The following ACBD6 variants were observed in gnomAD, a reference collection of about 807,000 sequenced individuals.
The protein encoded by ACBD6 is acyl-CoA binding domain containing 6, also known as acyl-CoA-binding domain-containing protein 6.
A neutral mutation model predicts 37.2 loss-of-function variants in ACBD6; 28 were observed. That is an observed-to-expected ratio of 0.75 (90% CI 0.56 to 1.03). ACBD6 has a LOEUF of 1.03. Ranked by LOEUF, ACBD6 falls within the 50% of genes least tolerant of loss-of-function variation. The pLI is 0.00. For missense variants in ACBD6, 340 were observed against 337.4 expected (o/e 1.01, Z -0.06); for synonymous variants, 113 against 126.8 (o/e 0.89, Z 0.73).
chr1:180,428,689 G>A lies in ACBD6; in HGVS notation c.467+1491C>T, dbSNP rs79678919. ...CAGTACATCATTTTGAAAAATACTA[G>A]AGTATGGGAGCCCTTAAGGAAAATG... On this transcript the variant is annotated intron_variant, in intron 4 of 7. Coordinates refer to ENST00000367595, the MANE Select transcript of ACBD6 (RefSeq NM_032360.4). 3.3e-3 allele frequency among the ~76,000 whole-genome samples: 497 copies of A among 152,238 alleles called. 1 individual carries two copies. Among genetic ancestry groups the A allele is most frequent in the African/African-American group, 0.011 (466 of 41,544 alleles).
chr1:180,307,783 C>T (rs185263058), intron 7 of ACBD6, among the ~76,000 whole-genome samples: 13 of 152,136 alleles, frequency 8.5e-5, no homozygotes, highest in African/African-American at 3.1e-4. Flanking sequence ...GGTAAAATCC[C>T]GTCTCTACTA....
chr1:180,355,479 A>G (rs1652587384), intron 6 of ACBD6, among the ~76,000 whole-genome samples: 1 of 152,226 alleles, frequency 6.6e-6, no homozygotes, highest in Admixed American at 6.5e-5. Flanking sequence ...CAAGGATGTC[A>G]TAATAGCTCA....
intron 3 of ACBD6, among the ~76,000 whole-genome samples, chr1:180,484,208 T>C (rs1009371281): frequency 1.3e-5 from 2 of 152,174 alleles, no homozygotes; most frequent in Non-Finnish European, 2.9e-5. Context: ...AATTTAGTAG[T>C]AGCCAAAAAA....
intron 3 of ACBD6, among the ~76,000 whole-genome samples, chr1:180,466,903 A>G (rs940462819): frequency 6.6e-6 from 1 of 152,112 alleles, no homozygotes; most frequent in Non-Finnish European, 1.5e-5. Flanking sequence ...GCCCCAGTTT[A>G]AGGTAAACCC....
At chr1:180,487,910 T>C (rs372750484) in intron 3 of ACBD6, among the ~76,000 whole-genome samples, 17 of 152,314 alleles carry the variant, frequency 1.1e-4, no homozygotes, top group East Asian at 3.9e-4. Flanking sequence ...TTCCAACTGA[T>C]AGCAATCAGG....
In ACBD6 at chr1:180,323,721, C is replaced by T. The variant is rs150991354; in HGVS notation, c.664-8999G>A. 9.9e-4 allele frequency among the ~76,000 whole-genome samples: 150 copies of T among 152,120 alleles called. 2 individuals carry two copies. Among genetic ancestry groups the T allele is most frequent in the African/African-American group, 3.3e-3 (139 of 41,530 alleles). Reference sequence around the variant, plus strand: ...TCTGATATAACTATAGCTACTCCTGCTCTTTTTTTGTTTCCACTGGGATGG... The same window carrying T: ...TCTGATATAACTATAGCTACTCCTGTTCTTTTTTTGTTTCCACTGGGATGG... On this transcript the variant is annotated intron_variant, in intron 6 of 7. Transcript: ENST00000367595.
intron 3 of ACBD6, among the ~76,000 whole-genome samples, chr1:180,465,999 T>C (rs1393391370): frequency 6.6e-5 from 10 of 151,812 alleles, no homozygotes; most frequent in Admixed American, 6.6e-4. Context: ...CACTGGAGTC[T>C]ACTTGAGGGG....
intron 7 of ACBD6, among the ~76,000 whole-genome samples, chr1:180,305,595 G>A (rs1650321693): frequency 6.6e-6 from 1 of 152,114 alleles, no homozygotes; most frequent in African/African-American, 2.4e-5. Context: ...TAAAAAGTCA[G>A]GAAACAACAG....
chr1:180,421,219 A>G (rs570743503), intron 4 of ACBD6, among the ~76,000 whole-genome samples: 5 of 152,106 alleles, frequency 3.3e-5, no homozygotes, highest in Admixed American at 3.3e-4. Context: ...CCATGTGTCC[A>G]TGTGTTCTCA....
intron 6 of ACBD6, among the ~76,000 whole-genome samples, chr1:180,381,042 G>A (rs922126023): frequency 9.2e-5 from 14 of 151,958 alleles, no homozygotes; most frequent in African/African-American, 3.4e-4. Context: ...CATGCAAACA[G>A]AAACCAAAAG....
chr1:180,400,758 A>G (rs1013832814), intron 5 of ACBD6, among the ~76,000 whole-genome samples: 1 of 152,192 alleles, frequency 6.6e-6, no homozygotes, highest in Non-Finnish European at 1.5e-5. Context: ...ATAATTAATC[A>G]TGATAAAATC....
intron 3 of ACBD6, chr1:180,435,093 T>C (rs766316756): frequency 1.2e-5 from 9 of 777,728 alleles, no homozygotes; most frequent in African/African-American, 3.4e-5. Flanking sequence ...CTTCAATTCA[T>C]CCTTCTCACC....
chr1:180,384,135 A>T (rs1033345453), intron 6 of ACBD6, among the ~76,000 whole-genome samples: 1 of 90,428 alleles, frequency 1.1e-5, no homozygotes, highest in Admixed American at 1.1e-4. Flanking sequence ...AGCAGAGATT[A>T]AAAAAAAAAA....
chr1:180,411,241 G>A (rs908065452), intron 5 of ACBD6, among the ~76,000 whole-genome samples: 1 of 152,208 alleles, frequency 6.6e-6, no homozygotes, highest in African/African-American at 2.4e-5. Flanking sequence ...GAACATTGTT[G>A]AAATAACAAC....
intron 6 of ACBD6, among the ~76,000 whole-genome samples, chr1:180,336,934 C>T (rs1371188700): frequency 6.6e-6 from 1 of 152,164 alleles, no homozygotes; most frequent in Non-Finnish European, 1.5e-5. Flanking sequence ...TCGACACATA[C>T]ACCCTCCCAA....
chr1:180,405,880 G>A (rs1647603787), intron 5 of ACBD6, among the ~76,000 whole-genome samples: 2 of 151,936 alleles, frequency 1.3e-5, no homozygotes, highest in South Asian at 4.1e-4. Context: ...TGTGGGTCAA[G>A]GATAAAAATT....
intron 6 of ACBD6, among the ~76,000 whole-genome samples, chr1:180,390,314 G>C (rs1654023559): frequency 6.8e-6 from 1 of 146,262 alleles, no homozygotes; most frequent in African/African-American, 2.5e-5. Context: ...GATAGTTGTA[G>C]ATACGCGGCA....
At chr1:180,457,286 C>T (rs1365376016) in intron 3 of ACBD6, among the ~76,000 whole-genome samples, 1 of 152,114 alleles carries the variant, frequency 6.6e-6, no homozygotes, top group African/African-American at 2.4e-5. Context: ...CAGAGAGGGG[C>T]CACATCTGCT....
intron 7 of ACBD6, among the ~76,000 whole-genome samples, chr1:180,305,530 T>C (rs1160575059): frequency 2.6e-5 from 4 of 152,038 alleles, no homozygotes; most frequent in African/African-American, 9.7e-5. Flanking sequence ...ATCAGAGAAA[T>C]GCAAATCAAA....
Sources: allele counts gnomAD v4.1 joint callset (sites outside exome capture counted in the v4.1 genomes callset), GRCh38; gene constraint gnomAD v4.1.1; transcripts MANE v1.5; gene names NCBI Gene and HGNC (gene_info 2026-07-23, HGNC 2026-07-21).